RNF150: variants seen among roughly 807,000 people sequenced by gnomAD.
RNF150 encodes the protein ring finger protein 150.
RNF150 carries 24 observed loss-of-function variants against 39.3 expected under a neutral mutation model. The observed-to-expected ratio is 0.61, with a 90% CI of 0.44 to 0.86. RNF150 has a LOEUF of 0.86. RNF150 is among the 40% of genes least tolerant of loss of function. The pLI, the probability that RNF150 is intolerant of heterozygous loss-of-function variation, is 0.00. For synonymous variants in RNF150, 255 were observed against 227.3 expected (o/e 1.12, Z -1.10); for missense variants, 502 against 587.8 (o/e 0.85, Z 1.51).
chr4:141,070,813 A>C lies in RNF150; in HGVS notation c.484+61512T>G, dbSNP rs1216407529. Among the ~76,000 whole-genome samples the C allele has an allele frequency of 2.7e-5, 4 of 150,018 alleles. No homozygotes were observed. The Admixed American group carries it at 2.7e-4, about 10-fold the overall frequency. On this transcript the variant is annotated intron_variant, in intron 1 of 6. Transcript: ENST00000515673. ...TGTAAACTAGTTCAACCATTGTGGA[A>C]GTCAGTGTGGTGATTCCTCAGGGAT...
At chr4:141,035,127 G>C (rs1418262956) in intron 1 of RNF150, among the ~76,000 whole-genome samples, 1 of 152,172 alleles carries the variant, frequency 6.6e-6, no homozygotes, top group Middle Eastern at 3.2e-3. Context: ...AAAAGCCATA[G>C]CTCCAACAAG....
In RNF150 at chr4:141,104,909, CTT is replaced by C. The variant is rs145854966; in HGVS notation, c.484+27414_484+27415del. Among the ~76,000 whole-genome samples, 484 of 152,278 alleles carry C rather than the reference CTT, an allele frequency of 3.2e-3. 2 individuals are homozygous for C. Among genetic ancestry groups the C allele is most frequent in the African/African-American group, 0.011 (455 of 41,560 alleles). ...GTGATGAGGCTGTCTCTCTCTCTCT[CTT>C]GTGCACACACACATCCCTACCTCTT... On this transcript the variant is annotated intron_variant, in intron 1 of 6. Coordinates refer to ENST00000515673, the MANE Select transcript of RNF150 (RefSeq NM_020724.2).
At chr4:141,088,997 AC>A (rs1225742579) in intron 1 of RNF150, among the ~76,000 whole-genome samples, 1 of 152,116 alleles carries the variant, frequency 6.6e-6, no homozygotes, top group Non-Finnish European at 1.5e-5. Flanking sequence ...TCTAGGAAAC[AC>A]TCAGATGAAT....
intron 1 of RNF150, among the ~76,000 whole-genome samples, chr4:141,141,363 C>T (rs1727114553): frequency 6.6e-6 from 1 of 151,754 alleles, no homozygotes; most frequent in Non-Finnish European, 1.5e-5. Flanking sequence ...ATTTCTGTTA[C>T]TGTTGCTGCT....
intron 6 of RNF150, among the ~76,000 whole-genome samples, chr4:140,897,112 A>G (rs113023547): frequency 2.6e-5 from 4 of 152,224 alleles, no homozygotes; most frequent in African/African-American, 9.6e-5. Context: ...CCAAGGATCA[A>G]GCACACACAA....
At chr4:140,956,428 C>T (rs183934442) in intron 2 of RNF150, among the ~76,000 whole-genome samples, 96 of 152,228 alleles carry the variant, frequency 6.3e-4, no homozygotes, top group Middle Eastern at 6.8e-3. Flanking sequence ...AGGAGTCTGT[C>T]ATGAATCTGG....
Position 141,165,860 on chromosome 4 carries a change from T to G in RNF150, c.-6+46934A>C, listed in dbSNP as rs144526286. On this transcript the variant is annotated intron_variant, in intron 1 of 7. Coordinates refer to the RNF150 transcript ENST00000420921. The stretch of plus-strand genomic sequence containing the variant: ...AGGAGAAAGCAGGAAAGATCTAAAA[T>G]TGACACCCTAACATCACAATTAAAA... Among the ~76,000 whole-genome samples the G allele has an allele frequency of 3.8e-4, 57 of 151,980 alleles. 1 individual carries two copies. The East Asian group carries it at 9.1e-3, about 24-fold the overall frequency.
intron 1 of RNF150, among the ~76,000 whole-genome samples, chr4:141,106,631 A>G (rs927614790): frequency 6.6e-6 from 1 of 152,004 alleles, no homozygotes; most frequent in African/African-American, 2.4e-5. Flanking sequence ...CATCTCTACT[A>G]AAAATACAAA....
chr4:141,168,754 T>C (rs1411744223), intron 1 of RNF150, among the ~76,000 whole-genome samples: 1 of 151,678 alleles, frequency 6.6e-6, no homozygotes, highest in Non-Finnish European at 1.5e-5. Context: ...GGAGAACACA[T>C]GGACACAGGG....
chr4:140,901,370 A>G (rs1001882560), intron 6 of RNF150, among the ~76,000 whole-genome samples: 3 of 152,146 alleles, frequency 2.0e-5, no homozygotes, highest in African/African-American at 7.2e-5. Flanking sequence ...TGGGGGACCA[A>G]TTTAACACTG....
At chr4:140,929,490 C>G (rs557552271) in intron 4 of RNF150, among the ~76,000 whole-genome samples, 9 of 151,228 alleles carry the variant, frequency 6.0e-5, no homozygotes, top group Admixed American at 1.3e-4. Flanking sequence ...CCTCAGCCTC[C>G]GGAGTAGCTG....
In RNF150 at chr4:141,068,601, C is replaced by A. The variant is rs575355925; in HGVS notation, c.484+63724G>T. ...TTTTTTCCAATTCTGTGAAGAAAGTCATTGGTAGCTTGATGGGGATGGCAT... is the reference window on the plus strand; with the variant it reads ...TTTTTTCCAATTCTGTGAAGAAAGTAATTGGTAGCTTGATGGGGATGGCAT... On this transcript the variant is annotated intron_variant, in intron 1 of 6. Transcript: ENST00000515673. Among the ~76,000 whole-genome samples the A allele has an allele frequency of 3.6e-4, 54 of 151,724 alleles. 1 individual carries two copies. The highest frequency in any genetic ancestry group is 1.3e-3 in the African/African-American group (53 of 41,394).
rs151081917 is a variant in RNF150 at position 141,087,138 on chromosome 4, C to G, written c.484+45187G>C. 8.5e-4 allele frequency among the ~76,000 whole-genome samples: 129 copies of G among 152,176 alleles called. 2 individuals carry two copies. The highest frequency in any genetic ancestry group is 2.8e-3 in the African/African-American group (116 of 41,518). On this transcript the variant is annotated intron_variant, in intron 1 of 6. Coordinates refer to ENST00000515673, the MANE Select transcript of RNF150 (RefSeq NM_020724.2). ...TATCTTTTCTGCTCCTCTCCTTCCT[C>G]CCACCCTCCCCCTCAAGTAGACGCC...
intron 1 of RNF150, among the ~76,000 whole-genome samples, chr4:141,018,465 G>C (rs1261707773): frequency 6.6e-6 from 1 of 152,032 alleles, no homozygotes; most frequent in Non-Finnish European, 1.5e-5. Context: ...AAGCCCAAAT[G>C]CCTCACTGTG....
intron 1 of RNF150, among the ~76,000 whole-genome samples, chr4:141,153,394 A>G (rs1201509206): frequency 1.3e-5 from 2 of 152,226 alleles, no homozygotes; most frequent in African/African-American, 2.4e-5. Context: ...GTCTGGACAC[A>G]GATGGGTAAG....
chr4:140,894,646 G>A (rs559940771), intron 6 of RNF150, among the ~76,000 whole-genome samples: 1 of 152,214 alleles, frequency 6.6e-6, no homozygotes, highest in African/African-American at 2.4e-5. Context: ...CTTCCCAGTA[G>A]CAAACAATCA....
At chr4:140,881,166 CT>C (rs540364079) in intron 6 of RNF150, among the ~76,000 whole-genome samples, 4,888 of 138,284 alleles carry the variant, frequency 0.035, 137 homozygotes, top group African/African-American at 0.086. Flanking sequence ...TTCCTTTGTA[CT>C]TTTTTTTTTT....
intron 6 of RNF150, among the ~76,000 whole-genome samples, chr4:140,899,695 A>T (rs1186661736): frequency 6.6e-6 from 1 of 152,190 alleles, no homozygotes; most frequent in Non-Finnish European, 1.5e-5. Context: ...GCACACTCAG[A>T]ATTATCCAAA....
intron 2 of RNF150, among the ~76,000 whole-genome samples, chr4:140,966,929 T>C (rs1733265245): frequency 6.6e-6 from 1 of 152,160 alleles, no homozygotes; most frequent in African/African-American, 2.4e-5. Context: ...GCTGGTTAAA[T>C]AGACGTGACA....
Sources: allele counts gnomAD v4.1 joint callset (sites outside exome capture counted in the v4.1 genomes callset), GRCh38; gene constraint gnomAD v4.1.1; transcripts MANE v1.5; gene names NCBI Gene and HGNC (gene_info 2026-07-23, HGNC 2026-07-21).